The following EPB41L2 variants were observed in gnomAD, a reference collection of about 807,000 sequenced individuals.
EPB41L2 encodes the protein erythrocyte membrane protein band 4.1 like 2.
A neutral mutation model predicts 113.0 loss-of-function variants in EPB41L2; 43 were observed. That is an observed-to-expected ratio of 0.38 (90% confidence interval 0.30 to 0.49). The LOEUF (loss-of-function observed/expected upper bound fraction) is 0.49, where lower values mean the gene tolerates loss of function less well. EPB41L2 is among the 20% of genes least tolerant of loss of function. The pLI is 0.95. For missense variants in EPB41L2, 1,147 were observed against 1,223.4 expected, an observed-to-expected ratio of 0.94 and a Z score of 0.93; for synonymous variants, 442 against 436.7, an observed-to-expected ratio of 1.01 and a Z score of -0.15.
chr6:131,041,394 A>T (rs1454138998), intron 1 of EPB41L2, among the ~76,000 whole-genome samples: 1 of 152,222 alleles, frequency 6.6e-6, no homozygotes, highest in African/African-American at 2.4e-5. Context: ...AGCTTTTCCC[A>T]TCAGACTGAT....
intron 2 of EPB41L2, among the ~76,000 whole-genome samples, chr6:130,955,742 CG>C (rs1343103638): frequency 3.9e-5 from 6 of 152,112 alleles, no homozygotes; most frequent in African/African-American, 1.4e-4. Context: ...TGGCAGGGCT[CG>C]GAGTATCTAC....
intron 1 of EPB41L2, among the ~76,000 whole-genome samples, chr6:130,966,574 AAG>A (rs1302722126): frequency 6.6e-6 from 1 of 152,184 alleles, no homozygotes; most frequent in Non-Finnish European, 1.5e-5. Flanking sequence ...GGAAGAATGC[AAG>A]AGAGTAACAA....
chr6:130,972,937 CAAAAAAAAAAAAAAAAAAA>C (rs57293132), intron 1 of EPB41L2, among the ~76,000 whole-genome samples: 9 of 59,528 alleles, frequency 1.5e-4, no homozygotes, highest in Admixed American at 2.6e-4. Flanking sequence ...ACTAAAGATA[CAAAAAAAAAAAAAAAAAAA>C]AAAAAAACAG....
chr6:131,045,685 G>A (rs1795307617), intron 1 of EPB41L2, among the ~76,000 whole-genome samples: 1 of 152,120 alleles, frequency 6.6e-6, no homozygotes, highest in East Asian at 1.9e-4. Context: ...AGCCCATTTT[G>A]TAGCTAATAA....
chr6:130,884,505 T>C (rs1043188699), intron 12 of EPB41L2, among the ~76,000 whole-genome samples: 4 of 152,200 alleles, frequency 2.6e-5, no homozygotes, highest in Non-Finnish European at 4.4e-5. Context: ...ATTCAAGTGA[T>C]GTTACTGCCC....
intron 1 of EPB41L2, among the ~76,000 whole-genome samples, chr6:131,048,312 G>A (rs772711261): frequency 5.3e-5 from 8 of 151,974 alleles, no homozygotes; most frequent in Non-Finnish European, 8.8e-5. Flanking sequence ...GAAATTGTTG[G>A]GGTTTTTGTT....
chr6:130,858,091 C>A, intron 19 of EPB41L2, 40 bp downstream of exon 19: 1 of 1,423,118 alleles, frequency 7.0e-7, no homozygotes, highest in Admixed American at 1.7e-5. Context: ...GAGTACAGAG[C>A]AGTCACTAGA....
At chr6:131,012,980 T>C (rs900626920) in intron 1 of EPB41L2, among the ~76,000 whole-genome samples, 1 of 152,136 alleles carries the variant, frequency 6.6e-6, no homozygotes, top group African/African-American at 2.4e-5. Flanking sequence ...TAGCAACACA[T>C]AGACAGGACT....
chr6:130,908,169 G>A (rs1244124852), intron 5 of EPB41L2, among the ~76,000 whole-genome samples: 4 of 152,214 alleles, frequency 2.6e-5, no homozygotes, highest in Non-Finnish European at 5.9e-5. Flanking sequence ...AGAACGTATA[G>A]AGAGAACTGA....
At chr6:131,020,934 C>T (rs1460035081) in intron 1 of EPB41L2, among the ~76,000 whole-genome samples, 1 of 152,302 alleles carries the variant, frequency 6.6e-6, no homozygotes, top group East Asian at 1.9e-4. Context: ...GAACTACAGG[C>T]ATGTGCCACC....
chr6:130,908,263 C>T (rs1798309228), intron 5 of EPB41L2, among the ~76,000 whole-genome samples: 1 of 152,142 alleles, frequency 6.6e-6, no homozygotes, highest in Non-Finnish European at 1.5e-5. Context: ...ACAATGAGGC[C>T]TAACTACAAG....
At chr6:130,936,244 G>T (rs930855747) in intron 3 of EPB41L2, among the ~76,000 whole-genome samples, 1 of 152,074 alleles carries the variant, frequency 6.6e-6, no homozygotes, top group East Asian at 1.9e-4. Context: ...TGCTAAATTT[G>T]CAACTTCTTA....
chr6:130,986,725 A>G (rs770385349), intron 1 of EPB41L2, among the ~76,000 whole-genome samples: 17 of 152,262 alleles, frequency 1.1e-4, no homozygotes, highest in Non-Finnish European at 1.8e-4. Flanking sequence ...AGCTGAGATT[A>G]TAGGCACGTG....
At chr6:130,851,900 G>A (rs1778857312) in intron 19 of EPB41L2, among the ~76,000 whole-genome samples, 1 of 152,066 alleles carries the variant, frequency 6.6e-6, no homozygotes, top group Non-Finnish European at 1.5e-5. Context: ...TCAGCTCTGA[G>A]CTAGCCCTGG....
intron 1 of EPB41L2, among the ~76,000 whole-genome samples, chr6:130,980,171 G>A (rs1292755503): frequency 6.6e-6 from 1 of 152,114 alleles, no homozygotes; most frequent in Non-Finnish European, 1.5e-5. Context: ...GCTAGGAGAA[G>A]AAAAATCTAA....
chr6:131,045,007 T>G (rs1795141131), intron 1 of EPB41L2, among the ~76,000 whole-genome samples: 1 of 152,194 alleles, frequency 6.6e-6, no homozygotes, highest in African/African-American at 2.4e-5. Flanking sequence ...AGGGTCAAGA[T>G]GTAAAATATA....
intron 14 of EPB41L2, 133 bp downstream of exon 14, chr6:130,877,971 T>C (rs1458458217): frequency 8.2e-6 from 7 of 857,706 alleles, no homozygotes; most frequent in African/African-American, 7.1e-5. Context: ...ATTTACAAAA[T>C]TGTTAGTAAT....
intron 14 of EPB41L2, chr6:130,876,730 TCTC>T (rs1562366356): frequency 4.6e-6 from 6 of 1,304,088 alleles, no homozygotes; most frequent in African/African-American, 1.5e-5. Flanking sequence ...ATCAGGTACT[TCTC>T]CTTCACGGAT....
intron 8 of EPB41L2, among the ~76,000 whole-genome samples, chr6:130,897,004 C>T (rs1381642465): frequency 6.6e-6 from 1 of 152,074 alleles, no homozygotes; most frequent in Non-Finnish European, 1.5e-5. Context: ...CACAAGACGG[C>T]CCTCTCCACA....
Sources: gnomAD v4.1 joint callset for allele counts (sites outside exome capture counted in the v4.1 genomes callset) on GRCh38, gnomAD v4.1.1 for gene constraint, MANE v1.5 for transcripts, NCBI Gene and HGNC (gene_info 2026-07-23, HGNC 2026-07-21) for gene names.